The following ARHGEF10 variants were observed in gnomAD, a reference collection of about 807,000 sequenced individuals.
The protein encoded by ARHGEF10 is Rho guanine nucleotide exchange factor (GEF) 10.
Under a neutral mutation model 147.4 loss-of-function variants are expected in ARHGEF10, and 140 were observed. The observed-to-expected ratio is 0.95, with a 90% CI of 0.83 to 1.09. The LOEUF is 1.09. ARHGEF10 is among the 50% of genes least tolerant of loss of function. The pLI, the probability that ARHGEF10 is intolerant of heterozygous loss-of-function variation, is 0.00. For synonymous variants in ARHGEF10, 902 were observed against 695.8 expected (o/e 1.30, Z -4.67); for missense variants, 2,222 against 1,752.7 (o/e 1.27, Z -4.78).
chr8:1,904,207 G>A (rs1406894370), intron 16 of ARHGEF10: 1 of 152,212 alleles, frequency 6.6e-6, no homozygotes, highest in African/African-American at 2.4e-5. Context: ...CATTTGCCAG[G>A]CTACATTTCA....
chr8:1,924,000 T>C (rs1456357140), intron 21 of ARHGEF10, 126 bp downstream of exon 21: 1 of 934,486 alleles, frequency 1.1e-6, no homozygotes, highest in East Asian at 2.6e-5. Context: ...TGAAAGAGTG[T>C]TTCTAAACAG....
intron 12 of ARHGEF10, 100 bp downstream of exon 12, chr8:1,893,746 C>A: frequency 2.0e-6 from 2 of 1,014,714 alleles, no homozygotes; most frequent in Non-Finnish European, 3.0e-6. Flanking sequence ...GTTTATGAAA[C>A]ATAACATGCA....
At position 1,860,162 on chromosome 8, in the gene ARHGEF10, C is replaced by T. The variant is rs758861758; in HGVS notation, c.459C>T (p.Cys153=). 1.5e-5 allele frequency: 24 copies of T among 1,613,376 alleles called. No individual in the cohort carries two copies. The highest frequency in any genetic ancestry group is 1.1e-4 in the East Asian group (5 of 44,876). Residue 153 remains cysteine (C), a synonymous_variant, in exon 4 of 29, where the codon TGC becomes TGT. Coordinates refer to ENST00000349830, the MANE Select transcript of ARHGEF10 (RefSeq NM_014629.4). ...CCTACTCCAGCCCGGTCATCATCTG[C>T]GCCACGTCCCTGGACGAAGAAGGTA... ...LPAYSSPVII[C]ATSLDEEETP...
At position 1,886,468 on chromosome 8, in the gene ARHGEF10, G is replaced by C. The variant is rs958020532; in HGVS notation, c.1182+761G>C. ...GACAAACAACACAGAAATGCTTAGTGACTGGCCAGGTTTAAAAAGAGATGA... is the reference window on the plus strand; with the variant it reads ...GACAAACAACACAGAAATGCTTAGTCACTGGCCAGGTTTAAAAAGAGATGA... On this transcript the variant is annotated intron_variant, in intron 11 of 28. Transcript: ENST00000349830. Among the ~76,000 whole-genome samples the C allele has an allele frequency of 5.3e-5, 8 of 152,346 alleles. No individual in the cohort carries two copies. In the East Asian group the frequency reaches 9.6e-4, roughly 18 times the overall value.
intron 13 of ARHGEF10, among the ~76,000 whole-genome samples, chr8:1,895,248 T>C (rs1809880019): frequency 6.6e-6 from 1 of 152,264 alleles, no homozygotes; most frequent in Non-Finnish European, 1.5e-5. Context: ...TGAATCATAC[T>C]TATTGTATAT....
At chr8:1,883,636 C>G (rs763245625) in intron 10 of ARHGEF10, among the ~76,000 whole-genome samples, 3 of 152,184 alleles carry the variant, frequency 2.0e-5, no homozygotes, top group Non-Finnish European at 4.4e-5. Flanking sequence ...TGGGGGTAAG[C>G]TGTCAGCATC....
chr8:1,882,184 T>C (rs764626978), intron 9 of ARHGEF10, among the ~76,000 whole-genome samples: 4 of 152,188 alleles, frequency 2.6e-5, no homozygotes, highest in Non-Finnish European at 5.9e-5. Flanking sequence ...CGTGTAACCA[T>C]GCGTGTGAGG....
At chr8:1,933,627 A>G (rs542178979) in intron 25 of ARHGEF10, among the ~76,000 whole-genome samples, 173 bp from the exon 26 acceptor site, 5 of 152,094 alleles carry the variant, frequency 3.3e-5, no homozygotes, top group Admixed American at 1.3e-4. Flanking sequence ...CCATGGCCCA[A>G]CTGGGGTGGG....
intron 1 of ARHGEF10, among the ~76,000 whole-genome samples, chr8:1,827,613 G>A (rs1189126430): frequency 6.6e-6 from 1 of 152,186 alleles, no homozygotes; most frequent in Admixed American, 6.5e-5. Flanking sequence ...CCGTCAAAAT[G>A]ATCATTTTAA....
chr8:1,869,164 G>A (rs780696507), intron 6 of ARHGEF10, 30 bp from the exon 7 acceptor site: 16 of 1,600,394 alleles, frequency 1.0e-5, no homozygotes, highest in Non-Finnish European at 1.3e-5. Context: ...GTTGGTCACT[G>A]TTTAAAGTGT....
At position 1,880,927 on chromosome 8, in the gene ARHGEF10, C is replaced by A. The variant is rs537162651; in HGVS notation, c.960+763C>A. Among the ~76,000 whole-genome samples, 30 of 152,340 alleles carry A rather than the reference C, an allele frequency of 2.0e-4. No homozygotes were observed. The East Asian group carries it at 4.2e-3, about 22-fold the overall frequency. On this transcript the variant is annotated intron_variant, in intron 9 of 28. Coordinates refer to ENST00000349830, the MANE Select transcript of ARHGEF10 (RefSeq NM_014629.4). ...TCAGAAGCCACAGCCACAGCCGCCC[C>A]CTGGGAGCCGCGTTACCCCCTCACA...
chr8:1,932,084 C>G lies in ARHGEF10; in HGVS notation c.3080-1716C>G, dbSNP rs1183903581. ...GGGCGGTGCATAGAGAGAGCTCTGA[C>G]CTAGGATTCACAACCCTGCGTTCTT... On this transcript the variant is annotated intron_variant, in intron 25 of 28. Transcript: ENST00000349830. 2.6e-5 allele frequency among the ~76,000 whole-genome samples: 4 copies of G among 152,170 alleles called. No individual in the cohort carries two copies. The East Asian group carries it at 7.7e-4, about 29-fold the overall frequency.
intron 2 of ARHGEF10, among the ~76,000 whole-genome samples, chr8:1,843,727 A>G (rs942774360): frequency 6.6e-6 from 1 of 152,156 alleles, no homozygotes; most frequent in Non-Finnish European, 1.5e-5. Context: ...GCCTGATGCA[A>G]TCGGAGATGG....
At chr8:1,864,332 G>C in intron 4 of ARHGEF10, 41 bp from the exon 5 acceptor site, 8 of 1,601,792 alleles carry the variant, frequency 5.0e-6, no homozygotes, top group Non-Finnish European at 6.8e-6. Flanking sequence ...GAGCATTTTT[G>C]TCAGGCGTAA....
intron 7 of ARHGEF10, 64 bp downstream of exon 7, chr8:1,869,314 A>T (rs1201204432): frequency 2.1e-6 from 3 of 1,406,282 alleles, no homozygotes; most frequent in Non-Finnish European, 3.0e-6. Context: ...TCTGGATGCC[A>T]AAGTGACTAT....
chr8:1,919,242 GA>G, intron 18 of ARHGEF10, among the ~76,000 whole-genome samples: 1 of 145,322 alleles, frequency 6.9e-6, no homozygotes, highest in Admixed American at 6.8e-5. Context: ...CTGTTCTGTC[GA>G]GTGATGGAGC....
chr8:1,862,655 G>C (rs1369109979), intron 4 of ARHGEF10, among the ~76,000 whole-genome samples: 1 of 152,208 alleles, frequency 6.6e-6, no homozygotes, highest in African/African-American at 2.4e-5. Context: ...CCGTGGGGGA[G>C]ACATTTCTCA....
At chr8:1,938,303 G>T (rs776028110) in intron 26 of ARHGEF10, among the ~76,000 whole-genome samples, 3 of 152,196 alleles carry the variant, frequency 2.0e-5, no homozygotes, top group African/African-American at 4.8e-5. Context: ...CTGGATTTCT[G>T]GGGGGCGTTG....
chr8:1,881,748 GT>G (rs1434601287), intron 9 of ARHGEF10, among the ~76,000 whole-genome samples: 1 of 152,230 alleles, frequency 6.6e-6, no homozygotes, highest in African/African-American at 2.4e-5. Flanking sequence ...CTGCACGCTG[GT>G]GCCCAGCAGC....
Sources: allele counts gnomAD v4.1 joint callset (sites outside exome capture counted in the v4.1 genomes callset), GRCh38; gene constraint gnomAD v4.1.1; transcripts MANE v1.5; gene names NCBI Gene and HGNC (gene_info 2026-07-23, HGNC 2026-07-21).